FHDC1: variants seen among roughly 807,000 people sequenced by gnomAD.
FHDC1 encodes the protein FH2 domain containing 1, also known as FH2 domain-containing protein 1.
FHDC1 carries 25 observed loss-of-function variants against 52.6 expected under a neutral mutation model. That is an observed-to-expected ratio of 0.48 (90% CI 0.35 to 0.66). The LOEUF is 0.66. Among genes scored for constraint, FHDC1 ranks in the 30% least tolerant of loss-of-function variants. The probability of loss-of-function intolerance (pLI) is 0.01; values close to 1 mark genes in which losing one functional copy is unlikely to be tolerated. For synonymous variants in FHDC1, 616 were observed against 581.5 expected (o/e 1.06, Z -0.85); for missense variants, 1,459 against 1,452.8 (o/e 1.00, Z -0.07).
intron 2 of FHDC1, among the ~76,000 whole-genome samples, chr4:152,949,167 A>C (rs556841932): frequency 7.2e-4 from 106 of 146,654 alleles, no homozygotes; most frequent in Admixed American, 1.6e-3. Flanking sequence ...GAAGAAGAAG[A>C]AGAAGCAGAA....
rs1740869578 is a variant in FHDC1, at chr4:152,976,115, C to T, written c.2824C>T (p.Gln942Ter). ...CAGCACAGATACTGTGTGGTCACGC[C>T]AGAACTCCGTGCGGAGGGCCTCCAC... ...PSSTDTVWSRQNSVRRASTGA... is the reference protein window; with the variant it reads ...PSSTDTVWSR Residue 942 changes from glutamine (Q) to a stop codon, truncating the protein, a stop_gained, in exon 12 of 12, where the codon CAG becomes TAG. Transcript: ENST00000511601. LOFTEE classifies it low-confidence loss of function (END_TRUNC). The T allele has an allele frequency of 1.2e-6, 2 of 1,611,076 alleles. No individual in the cohort carries two copies. Among genetic ancestry groups the T allele is most frequent in the East Asian group, 4.5e-5 (2 of 44,820 alleles).
intron 1 of FHDC1, among the ~76,000 whole-genome samples, chr4:152,938,204 T>C (rs981916315): frequency 1.3e-5 from 2 of 151,590 alleles, no homozygotes; most frequent in Admixed American, 6.6e-5. Flanking sequence ...TTTTTTTTTT[T>C]TTCTTGGTTT....
chr4:152,971,709 A>C (rs760986339), intron 10 of FHDC1, among the ~76,000 whole-genome samples: 12 of 152,230 alleles, frequency 7.9e-5, no homozygotes, highest in Admixed American at 1.3e-4. Context: ...GACCCATCAG[A>C]ATCTCCTGGG....
rs993729155 is a variant in FHDC1 at position 152,977,992 on chromosome 4, C to T, written c.*1269C>T. 2 of 152,244 alleles carry T rather than the reference C, an allele frequency of 1.3e-5. No individual in the cohort carries two copies. The highest frequency in any genetic ancestry group is 2.9e-5 in the Non-Finnish European group (2 of 68,074). 9.4% of individuals were successfully genotyped at this position (152,244 alleles called of 1,614,324 possible). On this transcript the variant is annotated 3_prime_UTR_variant, in exon 12 of 12. Coordinates refer to ENST00000511601, the MANE Select transcript of FHDC1 (RefSeq NM_001371116.1). ...GGACTCAGACAGAAATCAGATGCTTCCATGTATTCAGGGCGCGCATTGTGA... is the reference window on the plus strand; with the variant it reads ...GGACTCAGACAGAAATCAGATGCTTTCATGTATTCAGGGCGCGCATTGTGA...
intron 2 of FHDC1, among the ~76,000 whole-genome samples, chr4:152,947,484 T>A (rs1579084596): frequency 6.6e-6 from 1 of 152,132 alleles, no homozygotes; most frequent in East Asian, 1.9e-4. Context: ...ATTACTGACA[T>A]TCCTCAGGCC....
the FHDC1 span, chr4:152,927,780 T>A: frequency 2.1e-6 from 3 of 1,399,376 alleles, no homozygotes; most frequent in South Asian, 3.5e-5. Context: ...CTGAAAGAAC[T>A]GAAGGAATAC....
the FHDC1 span, among the ~76,000 whole-genome samples, chr4:152,921,612 T>TCCTC: frequency 7.8e-6 from 1 of 128,250 alleles, no homozygotes; most frequent in Non-Finnish European, 1.7e-5. Flanking sequence ...CTCCCTCCCT[T>TCCTC]CCTCCCTTTT....
the FHDC1 span, among the ~76,000 whole-genome samples, chr4:152,921,579 T>TTCCG: frequency 7.0e-6 from 1 of 142,834 alleles, no homozygotes; most frequent in African/African-American, 2.5e-5. Flanking sequence ...CCTTCCTTCC[T>TTCCG]TCCTTCCTCC....
At chr4:152,931,604 G>A (rs1281227588), upstream of FHDC1, among the ~76,000 whole-genome samples, 1 of 152,050 alleles carries the variant, frequency 6.6e-6, no homozygotes, top group African/African-American at 2.4e-5. Flanking sequence ...ATTCCTGTAT[G>A]TTGGGTAAAG....
intron 11 of FHDC1, among the ~76,000 whole-genome samples, chr4:152,973,344 C>T (rs1001795561): frequency 6.6e-6 from 1 of 152,228 alleles, no homozygotes; most frequent in Non-Finnish European, 1.5e-5. Flanking sequence ...TCAGATTTCT[C>T]TCAAGCCCAG....
upstream of FHDC1, among the ~76,000 whole-genome samples, chr4:152,932,689 C>T (rs201281557): frequency 2.0e-5 from 3 of 152,086 alleles, no homozygotes; most frequent in African/African-American, 7.2e-5. Flanking sequence ...AGAAGAATAA[C>T]GATTAAAGAT....
intron 4 of FHDC1, among the ~76,000 whole-genome samples, chr4:152,954,769 C>T (rs1389718617): frequency 6.6e-6 from 1 of 152,120 alleles, no homozygotes; most frequent in Non-Finnish European, 1.5e-5. Context: ...AGTTTTCTCA[C>T]ATAAAAGTAA....
intron 4 of FHDC1, among the ~76,000 whole-genome samples, chr4:152,957,924 C>G (rs919451427): frequency 1.5e-4 from 23 of 152,296 alleles, no homozygotes; most frequent in Middle Eastern, 3.4e-3. Context: ...GGGAACACCC[C>G]CACCACGCCT....
the FHDC1 span, among the ~76,000 whole-genome samples, chr4:152,918,851 T>C: frequency 6.6e-6 from 1 of 152,262 alleles, no homozygotes; most frequent in Non-Finnish European, 1.5e-5. Context: ...AAGTAGATTA[T>C]TTTTTAAATG....
the FHDC1 span, among the ~76,000 whole-genome samples, chr4:152,929,892 T>C: frequency 3.9e-5 from 6 of 152,346 alleles, no homozygotes; most frequent in Admixed American, 1.3e-4. The surrounding 1 kb of genome is among the most constrained non-coding windows in gnomAD (Gnocchi z 4.1). Flanking sequence ...TAGTATTTTC[T>C]CTGCTTTCCC....
chr4:152,922,069 G>C, the FHDC1 span, among the ~76,000 whole-genome samples: 1 of 152,262 alleles, frequency 6.6e-6, no homozygotes, highest in Non-Finnish European at 1.5e-5. Context: ...GAACCCAGGA[G>C]CTGGTTTTTT....
rs145423330 is a variant in FHDC1 at position 152,975,886 on chromosome 4, C to T, written c.2595C>T (p.Gly865=). The T allele has an allele frequency of 8.7e-5, 132 of 1,514,512 alleles. No homozygotes were observed. The African/African-American group carries it at 1.1e-3, about 13-fold the overall frequency. The allele number at this position is 1,514,512 out of a possible 1,614,324, so 93.8% of individuals were successfully genotyped here. Residue 865 remains glycine (G), a synonymous_variant, in exon 12 of 12, where the codon GGC becomes GGT. Transcript: ENST00000511601. ...KRKDVVAPKR[G]SLKEASPGAS... is the part of the protein sequence containing the mutation. ...AAGATGTTGTAGCACCAAAGAGAGG[C>T]TCCCTGAAAGAGGCGTCTCCCGGGG...
chr4:152,944,323 C>T lies in FHDC1; in HGVS notation c.498+768C>T, dbSNP rs1225510752. 2.7e-5 allele frequency among the ~76,000 whole-genome samples: 4 copies of T among 148,500 alleles called. No individual in the cohort carries two copies. The East Asian group carries it at 7.9e-4, about 30-fold the overall frequency. ...TTGTCAGTTTAGAAACTTGAAGAAA[C>T]CTCTACCTGCTAGAAAAAATAAATA... On this transcript the variant is annotated intron_variant, in intron 2 of 11. Coordinates refer to ENST00000511601, the MANE Select transcript of FHDC1 (RefSeq NM_001371116.1).
the FHDC1 span, among the ~76,000 whole-genome samples, chr4:152,925,864 AAGAAGGAGG>A: frequency 0.4 from 60,462 of 151,172 alleles, 12,683 homozygotes; most frequent in Admixed American, 0.5. Flanking sequence ...AGGAGAGGAG[AAGAAGGAGG>A]AGAAGGAGGA....
Sources: gnomAD v4.1 joint callset for allele counts (sites outside exome capture counted in the v4.1 genomes callset) on GRCh38, gnomAD v4.1.1 for gene constraint, Gnocchi (gnomAD v3.1) non-coding constraint, MANE v1.5 for transcripts, NCBI Gene and HGNC (gene_info 2026-07-23, HGNC 2026-07-21) for gene names.